The following PLCB1 variants were observed in gnomAD, a reference collection of about 807,000 sequenced individuals.
PLCB1 encodes the protein 1-phosphatidylinositol 4,5-bisphosphate phosphodiesterase beta-1.
A neutral mutation model predicts 161.8 loss-of-function variants in PLCB1; 46 were observed. The ratio of observed to expected loss-of-function variants is 0.28; its 90% confidence interval spans 0.22 to 0.36. The LOEUF (loss-of-function observed/expected upper bound fraction) is 0.36. Ranked by LOEUF, PLCB1 falls within the 10% of genes least tolerant of loss-of-function variation. The pLI is 1.00. For missense variants in PLCB1, 1,016 were observed against 1,472.5 expected (o/e 0.69, Z 5.07); for synonymous variants, 517 against 503.7 (o/e 1.03, Z -0.35).
chr20:8,448,893 T>C (rs1465385390), intron 3 of PLCB1, among the ~76,000 whole-genome samples: 1 of 152,174 alleles, frequency 6.6e-6, no homozygotes, highest in Non-Finnish European at 1.5e-5. Context: ...TGAAAGGCAA[T>C]GCACAGGCTA....
chr20:8,842,293 T>C lies in PLCB1; in HGVS notation c.3424-39329T>C, dbSNP rs147650706. Reference sequence around the variant, plus strand: ...ATTTTAGTGGCTATTGTCTACCTTTTATCAAATAAACAGCTATTTATTATT... The same window carrying C: ...ATTTTAGTGGCTATTGTCTACCTTTCATCAAATAAACAGCTATTTATTATT... On this transcript the variant is annotated intron_variant, in intron 31 of 31. Transcript: ENST00000338037. Among the ~76,000 whole-genome samples the C allele has an allele frequency of 3.6e-3, 541 of 152,354 alleles. 2 individuals carry two copies. The highest frequency in any genetic ancestry group is 0.012 in the African/African-American group (502 of 41,578).
intron 3 of PLCB1, among the ~76,000 whole-genome samples, chr20:8,469,524 A>G (rs6055837): frequency 0.032 from 4,939 of 152,234 alleles, 268 homozygotes; most frequent in African/African-American, 0.11. Flanking sequence ...TGCTGTAACC[A>G]CAGGTTTTTG....
chr20:8,561,420 G>T (rs769276317), intron 3 of PLCB1, among the ~76,000 whole-genome samples: 1 of 151,892 alleles, frequency 6.6e-6, no homozygotes, highest in Non-Finnish European at 1.5e-5. Flanking sequence ...GATATGAGCA[G>T]TTGAAGACAT....
At chr20:8,426,570 C>G (rs968885057) in intron 3 of PLCB1, among the ~76,000 whole-genome samples, 1 of 152,152 alleles carries the variant, frequency 6.6e-6, no homozygotes, top group Non-Finnish European at 1.5e-5. Flanking sequence ...GGTCAAAGGG[C>G]ACAGAGCAGC....
chr20:8,175,472 A>AT (rs11482745), intron 2 of PLCB1, among the ~76,000 whole-genome samples: 133,704 of 152,034 alleles, frequency 0.88, 59,717 homozygotes, highest in African/African-American at 0.97. Context: ...AATAAAAAAA[A>AT]AAGTATAAAA....
chr20:8,661,978 T>TGA (rs1568550848), intron 9 of PLCB1, among the ~76,000 whole-genome samples: 18 of 39,782 alleles, frequency 4.5e-4, no homozygotes, highest in Non-Finnish European at 7.2e-4. Flanking sequence ...TATTATATAA[T>TGA]TATATATAAT....
intron 8 of PLCB1, 107 bp downstream of exon 8, chr20:8,657,391 G>C: frequency 1.4e-6 from 1 of 729,198 alleles, no homozygotes. Context: ...ATCATACACT[G>C]TGTCTAAAAG....
At chr20:8,441,657 C>T (rs978172877) in intron 3 of PLCB1, among the ~76,000 whole-genome samples, 5 of 152,088 alleles carry the variant, frequency 3.3e-5, no homozygotes, top group African/African-American at 9.7e-5. Flanking sequence ...AGGTGTGAAA[C>T]ATAAGCAGTG....
In PLCB1 at chr20:8,551,121, C is replaced by T. The variant is rs117504322; in HGVS notation, c.247-77173C>T. 6.0e-4 allele frequency among the ~76,000 whole-genome samples: 91 copies of T among 152,204 alleles called. No homozygotes were observed. The East Asian group carries it at 0.014, about 24-fold the overall frequency. ...TGACTGCATTTCATCATAAATCACT[C>T]ATAAATTCTTTTGCTAAATTGTTGG... is the stretch of plus-strand genomic sequence containing the variant. On this transcript the variant is annotated intron_variant, in intron 3 of 31. Transcript: ENST00000338037.
intron 31 of PLCB1, among the ~76,000 whole-genome samples, chr20:8,839,752 A>AAAAAAAAAC (rs368082373): frequency 6.7e-6 from 1 of 148,382 alleles, no homozygotes; most frequent in Non-Finnish European, 1.5e-5. Flanking sequence ...AAAAAAAAAA[A>AAAAAAAAAC]GCCTTGGCCA....
At chr20:8,145,597 T>C (rs1223276287) in intron 1 of PLCB1, among the ~76,000 whole-genome samples, 2 of 152,224 alleles carry the variant, frequency 1.3e-5, no homozygotes, top group East Asian at 3.9e-4. Flanking sequence ...TAGCTGCATA[T>C]GTGGATAAAA....
chr20:8,858,102 T>C (rs1458761828), intron 31 of PLCB1, among the ~76,000 whole-genome samples: 4 of 152,214 alleles, frequency 2.6e-5, no homozygotes, highest in African/African-American at 4.8e-5. Flanking sequence ...TTTATTTAAT[T>C]TTTATTGTTA....
At chr20:8,332,364 G>A (rs192298663) in intron 2 of PLCB1, among the ~76,000 whole-genome samples, 87 of 152,270 alleles carry the variant, frequency 5.7e-4, no homozygotes, top group African/African-American at 2.0e-3. Flanking sequence ...GGCTAAGGTG[G>A]AAAAACCTAA....
chr20:8,381,413 T>C (rs1163322245), intron 3 of PLCB1, among the ~76,000 whole-genome samples: 1 of 152,132 alleles, frequency 6.6e-6, no homozygotes, highest in Non-Finnish European at 1.5e-5. Context: ...TTTGTTGTTG[T>C]TGTGTCTCTG....
intron 3 of PLCB1, among the ~76,000 whole-genome samples, chr20:8,467,647 A>C (rs1194748909): frequency 6.6e-6 from 1 of 152,160 alleles, no homozygotes; most frequent in Non-Finnish European, 1.5e-5. Context: ...CCTTTTCACC[A>C]GATGTCCAGG....
intron 23 of PLCB1, among the ~76,000 whole-genome samples, chr20:8,745,689 C>T (rs1198040293): frequency 2.0e-5 from 3 of 151,640 alleles, no homozygotes; most frequent in Admixed American, 6.6e-5. Context: ...AATAAAGATT[C>T]GTTATTGGAT....
At chr20:8,853,502 T>G (rs918048556) in intron 31 of PLCB1, among the ~76,000 whole-genome samples, 9 of 152,230 alleles carry the variant, frequency 5.9e-5, no homozygotes, top group African/African-American at 1.9e-4. Context: ...GGCTTCTTTT[T>G]TTGTTGTTGT....
intron 1 of PLCB1, among the ~76,000 whole-genome samples, chr20:8,144,390 C>G (rs940516904): frequency 1.3e-5 from 2 of 152,194 alleles, no homozygotes; most frequent in African/African-American, 4.8e-5. Context: ...TCCAACATTT[C>G]CCTACATTGT....
In PLCB1 at chr20:8,757,130, C is replaced by T. The variant is rs1302211731; in HGVS notation, c.2608C>T (p.Leu870=). 6.2e-7 allele frequency: 1 copy of T among 1,613,310 alleles called. No homozygotes were observed. The highest frequency in any genetic ancestry group is 8.5e-7 in the Non-Finnish European group (1 of 1,179,540). Residue 870 remains leucine (L), a synonymous_variant, in exon 24 of 32, where the codon CTG becomes TTG. Coordinates refer to ENST00000338037, the MANE Select transcript of PLCB1 (RefSeq NM_015192.4). ...AAATGGGGTGAATCACACTACAACC[C>T]TGACACCCAAGCCACCCTCCCAGGC... ...AENGVNHTTT[L]TPKPPSQALH...
Sources: gnomAD v4.1 joint callset for allele counts (sites outside exome capture counted in the v4.1 genomes callset) on GRCh38, gnomAD v4.1.1 for gene constraint, MANE v1.5 for transcripts, NCBI Gene and HGNC (gene_info 2026-07-23, HGNC 2026-07-21) for gene names.